KCNN2: variants seen among roughly 807,000 people sequenced by gnomAD.
The protein encoded by KCNN2 is small conductance calcium-activated potassium channel protein 2.
Under a neutral mutation model 55.5 loss-of-function variants are expected in KCNN2, and 24 were observed. That is an observed-to-expected ratio of 0.43 (90% CI 0.31 to 0.61). The LOEUF (loss-of-function observed/expected upper bound fraction) is 0.61. Among genes scored for constraint, KCNN2 ranks in the 20% least tolerant of loss-of-function variants. The pLI is 0.08. For synonymous variants in KCNN2, 431 were observed against 336.1 expected, an observed-to-expected ratio of 1.28 and a Z score of -3.09; for missense variants, 754 against 853.6, an observed-to-expected ratio of 0.88 and a Z score of 1.45.
chr5:114,161,457 G>T (rs1395431894), intron 1 of KCNN2, among the ~76,000 whole-genome samples: 1 of 149,610 alleles, frequency 6.7e-6, no homozygotes, highest in Admixed American at 6.7e-5. Context: ...TTTCAACTTT[G>T]GTGAATCTGA....
chr5:114,177,325 G>C (rs1753155291), intron 1 of KCNN2, among the ~76,000 whole-genome samples: 1 of 151,978 alleles, frequency 6.6e-6, no homozygotes, highest in South Asian at 2.1e-4. Flanking sequence ...TTTTAGTAGA[G>C]ACGGGGTTTC....
chr5:114,298,926 A>C (rs556001284), intron 2 of KCNN2, among the ~76,000 whole-genome samples: 19 of 152,140 alleles, frequency 1.2e-4, no homozygotes, highest in African/African-American at 4.6e-4. Context: ...TTTGATCACT[A>C]TCAGTATAAA....
intron 1 of KCNN2, among the ~76,000 whole-genome samples, chr5:114,091,000 A>AATTTT (rs1193341371): frequency 5.3e-5 from 8 of 151,976 alleles, no homozygotes; most frequent in South Asian, 2.1e-4. Context: ...ATGCCCGGCT[A>AATTTT]ATTTTATTTT....
At chr5:114,265,306 A>G (rs1368840299) in intron 2 of KCNN2, among the ~76,000 whole-genome samples, 1 of 151,728 alleles carries the variant, frequency 6.6e-6, no homozygotes, top group Non-Finnish European at 1.5e-5. Context: ...CTCCAGGGAA[A>G]CAGAACCATC....
At chr5:114,420,272 A>G (rs975728823) in intron 3 of KCNN2, among the ~76,000 whole-genome samples, 5 of 152,230 alleles carry the variant, frequency 3.3e-5, no homozygotes, top group East Asian at 1.9e-4. Flanking sequence ...TCTTTTTGCA[A>G]TATCTCTCTC....
chr5:114,397,381 A>T (rs181599021), intron 2 of KCNN2, among the ~76,000 whole-genome samples: 95 of 152,142 alleles, frequency 6.2e-4, no homozygotes, highest in Non-Finnish European at 1.1e-3. Flanking sequence ...CCTCACCAGC[A>T]TCTGTTAGTT....
intron 1 of KCNN2, among the ~76,000 whole-genome samples, chr5:114,075,775 A>G (rs1030703433): frequency 2.0e-5 from 3 of 152,196 alleles, no homozygotes; most frequent in African/African-American, 7.2e-5. Flanking sequence ...AAGTGCTTGC[A>G]CGCTGGGGCT....
intron 2 of KCNN2, among the ~76,000 whole-genome samples, chr5:114,243,215 A>T (rs980280671): frequency 1.6e-4 from 24 of 152,240 alleles, no homozygotes; most frequent in Admixed American, 1.4e-3. Context: ...AAAGAAAAAG[A>T]TGAATAAGAA....
At chr5:114,339,983 T>C (rs1342722765) in intron 2 of KCNN2, among the ~76,000 whole-genome samples, 1 of 152,144 alleles carries the variant, frequency 6.6e-6, no homozygotes, top group East Asian at 1.9e-4. Flanking sequence ...CTGCCACATA[T>C]AGCAGAACTT....
chr5:114,302,313 A>G (rs1015095653), intron 2 of KCNN2, among the ~76,000 whole-genome samples: 1 of 152,218 alleles, frequency 6.6e-6, no homozygotes, highest in African/African-American at 2.4e-5. Context: ...TGGCTAGCAC[A>G]ATACAATGAA....
At chr5:114,150,754 G>A (rs191316331) in intron 1 of KCNN2, among the ~76,000 whole-genome samples, 1 of 152,304 alleles carries the variant, frequency 6.6e-6, no homozygotes, top group East Asian at 1.9e-4. Flanking sequence ...GGGCACAGTG[G>A]CTTACACCTG....
intron 2 of KCNN2, among the ~76,000 whole-genome samples, chr5:114,274,619 TG>T (rs1755444981): frequency 6.6e-6 from 1 of 152,216 alleles, no homozygotes; most frequent in African/African-American, 2.4e-5. Context: ...AGTTCACTCC[TG>T]ATTTGGCTCT....
At position 114,367,357 on chromosome 5, in the gene KCNN2, C is replaced by T. The variant is rs74772885; in HGVS notation, c.1218+3356C>T. 2.7e-3 allele frequency among the ~76,000 whole-genome samples: 413 copies of T among 152,234 alleles called. 3 individuals carry two copies. The highest frequency in any genetic ancestry group is 4.6e-3 in the Non-Finnish European group (312 of 68,022). On this transcript the variant is annotated intron_variant, in intron 2 of 7. Coordinates refer to ENST00000673685, the MANE Select transcript of KCNN2 (RefSeq NM_021614.4). The stretch of plus-strand genomic sequence containing the variant: ...ACCAAAAATGAAATCACATTTTGGT[C>T]GTAATACTTATAAAACATCAGATTT...
intron 1 of KCNN2, among the ~76,000 whole-genome samples, chr5:114,065,202 A>G (rs973023347): frequency 1.3e-5 from 2 of 152,230 alleles, no homozygotes; most frequent in African/African-American, 4.8e-5. Flanking sequence ...GGAGTAGTTC[A>G]TAGGAGAGAA....
chr5:114,384,443 A>G (rs1338253357), intron 2 of KCNN2, among the ~76,000 whole-genome samples: 1 of 152,226 alleles, frequency 6.6e-6, no homozygotes. Flanking sequence ...AAAGTGAAGT[A>G]GAGGATGGGA....
intron 1 of KCNN2, among the ~76,000 whole-genome samples, chr5:114,068,764 C>A (rs939167484): frequency 2.6e-5 from 4 of 152,120 alleles, no homozygotes; most frequent in Non-Finnish European, 4.4e-5. Context: ...AAATTGCTTG[C>A]TTTTCTTTGC....
chr5:114,477,278 A>G (rs1762015240), intron 5 of KCNN2, among the ~76,000 whole-genome samples: 1 of 152,338 alleles, frequency 6.6e-6, no homozygotes, highest in Admixed American at 6.5e-5. Context: ...GTAACATTCC[A>G]AGTCTTCCAG....
At chr5:114,357,489 C>G (rs1210389078), upstream of KCNN2, among the ~76,000 whole-genome samples, 1 of 124,394 alleles carries the variant, frequency 8.0e-6, no homozygotes, top group African/African-American at 3.1e-5. Context: ...GTGATATTCC[C>G]CTTCCTGTGT....
chr5:114,216,355 T>A (rs1010641658), intron 1 of KCNN2, among the ~76,000 whole-genome samples: 10 of 152,182 alleles, frequency 6.6e-5, no homozygotes, highest in African/African-American at 2.4e-4. Flanking sequence ...GCTTAATTGA[T>A]TTGAATCAGT....
Sources: allele counts gnomAD v4.1 joint callset (sites outside exome capture counted in the v4.1 genomes callset), GRCh38; gene constraint gnomAD v4.1.1; transcripts MANE v1.5; gene names NCBI Gene and HGNC (gene_info 2026-07-23, HGNC 2026-07-21).